Variants in RABGAP1 observed in about 807,000 individuals in gnomAD.
RABGAP1 encodes the protein rab GTPase-activating protein 1.
RABGAP1 carries 23 observed loss-of-function variants against 137.6 expected under a neutral mutation model. The observed-to-expected ratio is 0.17, with a 90% CI of 0.12 to 0.24. The LOEUF (loss-of-function observed/expected upper bound fraction) is 0.24. Among genes scored for constraint, RABGAP1 ranks in the 10% least tolerant of loss-of-function variants. The pLI, the probability that RABGAP1 is intolerant of heterozygous loss-of-function variation, is 1.00. For synonymous variants in RABGAP1, 451 were observed against 450.7 expected, an observed-to-expected ratio of 1.00 and a Z score of -0.01; for missense variants, 906 against 1,275.8, an observed-to-expected ratio of 0.71 and a Z score of 4.42.
At chr9:122,984,451 C>A in intron 2 of RABGAP1, 34 bp from the exon 3 acceptor site, 2 of 1,570,308 alleles carry the variant, frequency 1.3e-6, no homozygotes, top group South Asian at 2.3e-5. Flanking sequence ...CAATCTTTGT[C>A]ACTTTGCTGA....
chr9:123,019,973 C>T (rs932062470), intron 12 of RABGAP1, among the ~76,000 whole-genome samples: 10 of 152,110 alleles, frequency 6.6e-5, no homozygotes, highest in South Asian at 2.1e-4. Context: ...CGTGAGCCAC[C>T]GCGCCCGGCC....
intron 10 of RABGAP1, among the ~76,000 whole-genome samples, chr9:123,008,434 A>G (rs2030499129): frequency 6.6e-6 from 1 of 151,398 alleles, no homozygotes; most frequent in Admixed American, 6.6e-5. Flanking sequence ...AATCCCAGCT[A>G]TTCGGGAGGC....
At chr9:123,011,937 CA>C (rs1385839555) in intron 11 of RABGAP1, among the ~76,000 whole-genome samples, 1 of 152,140 alleles carries the variant, frequency 6.6e-6, no homozygotes, top group Non-Finnish European at 1.5e-5. Context: ...GCCTGGGCAA[CA>C]AGAGCAAAAC....
chr9:123,047,270 A>G (rs188491806), intron 13 of RABGAP1, among the ~76,000 whole-genome samples: 324 of 152,350 alleles, frequency 2.1e-3, no homozygotes, highest in Non-Finnish European at 4.0e-3. Context: ...GGTAAAAAAT[A>G]AATGGGTATT....
rs149254394 is a variant in RABGAP1 at position 123,085,612 on chromosome 9, G to T, written c.2425-4146G>T. 2.8e-4 allele frequency among the ~76,000 whole-genome samples: 43 copies of T among 152,332 alleles called. No individual in the cohort carries two copies. The East Asian group carries it at 8.1e-3, about 29-fold the overall frequency. On this transcript the variant is annotated intron_variant, in intron 19 of 25. Coordinates refer to ENST00000373647, the MANE Select transcript of RABGAP1 (RefSeq NM_012197.4). ...GCCTTCTGATAGGAATCAGTGAACA[G>T]CGGGTATGATTCAGAGCTCTGAGTC...
rs546914308 is a variant in RABGAP1 at position 122,942,030 on chromosome 9, C to T, written c.-50+937C>T. On this transcript the variant is annotated intron_variant, in intron 1 of 25. Transcript: ENST00000373647. Reference sequence around the variant, plus strand: ...CTTTTGACTTTCGTTGGCTTTTTGTCAGGGAAAAAAACCTGTTAGGGACAG... The same window carrying T: ...CTTTTGACTTTCGTTGGCTTTTTGTTAGGGAAAAAAACCTGTTAGGGACAG... Among the ~76,000 whole-genome samples the T allele has an allele frequency of 2.0e-5, 3 of 152,216 alleles. No homozygotes were observed. In the South Asian group the frequency reaches 6.2e-4, roughly 32 times the overall value.
chr9:123,035,219 G>T, intron 13 of RABGAP1: 1 of 1,614,150 alleles, frequency 6.2e-7, no homozygotes, highest in Non-Finnish European at 8.5e-7. Context: ...TTCCGCATCT[G>T]CCAACAGCAC....
chr9:123,048,575 T>C (rs2033323319), intron 13 of RABGAP1, among the ~76,000 whole-genome samples: 1 of 152,204 alleles, frequency 6.6e-6, no homozygotes, highest in African/African-American at 2.4e-5. Flanking sequence ...TAAGAGAGCA[T>C]TTGATATGCA....
At chr9:122,988,079 A>C (rs1460228685) in intron 4 of RABGAP1, among the ~76,000 whole-genome samples, 1 of 152,188 alleles carries the variant, frequency 6.6e-6, no homozygotes, top group Admixed American at 6.5e-5. Context: ...TTAATGATAA[A>C]CTATTAATAA....
At chr9:123,068,348 C>CAAAAAA (rs998962006) in intron 14 of RABGAP1, among the ~76,000 whole-genome samples, 2 of 66,516 alleles carry the variant, frequency 3.0e-5, no homozygotes, top group Non-Finnish European at 3.8e-5. Context: ...GACTCCATCT[C>CAAAAAA]AAAAAAAAAA....
rs563132610 is a variant in RABGAP1, at chr9:122,961,522, C to G, written c.150+4313C>G. Among the ~76,000 whole-genome samples the G allele has an allele frequency of 1.7e-4, 26 of 152,276 alleles. No homozygotes were observed. In the East Asian group the frequency reaches 4.8e-3, roughly 28 times the overall value. Reference sequence around the variant, plus strand: ...TGGCAGACCCACTTTACAAGAAACACTAAAGGAAGTTCTTCAGGCTGAAAG... The same window carrying G: ...TGGCAGACCCACTTTACAAGAAACAGTAAAGGAAGTTCTTCAGGCTGAAAG... On this transcript the variant is annotated intron_variant, in intron 2 of 25. Coordinates refer to ENST00000373647, the MANE Select transcript of RABGAP1 (RefSeq NM_012197.4).
intron 19 of RABGAP1, among the ~76,000 whole-genome samples, chr9:123,079,783 T>A (rs1260420901): frequency 6.6e-6 from 1 of 152,070 alleles, no homozygotes; most frequent in Non-Finnish European, 1.5e-5. Context: ...AGTCTTCGGC[T>A]CATATATCCA....
chr9:122,957,162 A>G lies in RABGAP1; in HGVS notation c.103A>G (p.Thr35Ala), dbSNP rs371416611. ...CTTGGTTTCCAGGCAAGGAGATGAGACACCATCTACAAATAATGGAAGTGA... is the reference window on the plus strand; with the variant it reads ...CTTGGTTTCCAGGCAAGGAGATGAGGCACCATCTACAAATAATGGAAGTGA... Reference protein sequence around the residue: ...FVLVSRQGDETPSTNNGSDDE... With the variant: ...FVLVSRQGDEAPSTNNGSDDE... Residue 35 changes from threonine to alanine, a missense_variant, in exon 2 of 26, where the codon ACA becomes GCA. Physicochemically the swap from Thr to Ala is moderately conservative, Grantham distance 58 (BLOSUM62 0). Around this residue, in one of 9 missense-constraint regions of RABGAP1, gnomAD observed 331 missense variants for 358.3 expected, o/e 0.92. Transcript: ENST00000373647. 2.1e-5 allele frequency: 33 copies of G among 1,571,706 alleles called. No homozygotes were observed. Among genetic ancestry groups the G allele is most frequent in the Non-Finnish European group, 2.9e-5 (33 of 1,150,520 alleles).
chr9:122,989,945 T>G, intron 5 of RABGAP1, 111 bp from the exon 6 acceptor site: 2 of 1,222,692 alleles, frequency 1.6e-6, no homozygotes, highest in Non-Finnish European at 2.3e-6. Flanking sequence ...CCAAAAGAAA[T>G]AAGTGGGATA....
At chr9:123,073,772 C>T in intron 16 of RABGAP1, 95 bp downstream of exon 16, 2 of 1,506,644 alleles carry the variant, frequency 1.3e-6, no homozygotes, top group Non-Finnish European at 1.8e-6. Context: ...TGGTAATTGC[C>T]TTAGCGATCC....
chr9:123,025,817 A>G (rs2031927423), intron 13 of RABGAP1, among the ~76,000 whole-genome samples: 2 of 152,014 alleles, frequency 1.3e-5, no homozygotes, highest in South Asian at 4.1e-4. Flanking sequence ...TAATAATATC[A>G]GCAGTAAAAA....
At chr9:123,067,392 A>G (rs1031502979) in intron 14 of RABGAP1, among the ~76,000 whole-genome samples, 32 of 152,244 alleles carry the variant, frequency 2.1e-4, no homozygotes, top group Admixed American at 7.2e-4. Context: ...CTCCTTGCCT[A>G]ACGCAGAATT....
At chr9:122,964,971 TG>T (rs113917336) in intron 2 of RABGAP1, among the ~76,000 whole-genome samples, 6 of 152,234 alleles carry the variant, frequency 3.9e-5, no homozygotes, top group African/African-American at 1.4e-4. Context: ...CACCCCTACC[TG>T]GGCAACAGAG....
intron 10 of RABGAP1, among the ~76,000 whole-genome samples, chr9:123,008,737 G>T (rs1222310158): frequency 6.6e-6 from 1 of 152,068 alleles, no homozygotes; most frequent in Non-Finnish European, 1.5e-5. Context: ...CTAATTCAGT[G>T]TATTAATTAA....
Sources: gnomAD v4.1 joint callset for allele counts (sites outside exome capture counted in the v4.1 genomes callset) on GRCh38, gnomAD v4.1.1 for gene constraint, gnomAD v4.1.1 regional missense constraint, MANE v1.5 for transcripts, NCBI Gene and HGNC (gene_info 2026-07-23, HGNC 2026-07-21) for gene names.